RYR3: variants seen among roughly 807,000 people sequenced by gnomAD.
RYR3 encodes the protein brain ryanodine receptor-calcium release channel.
Under a neutral mutation model 584.3 loss-of-function variants are expected in RYR3, and 207 were observed. That is an observed-to-expected ratio of 0.35 (90% CI 0.32 to 0.40). RYR3 has a LOEUF of 0.40. Ranked by LOEUF, RYR3 falls within the 10% of genes least tolerant of loss-of-function variation. RYR3 has a pLI of 1.00. For missense variants in RYR3, 5,616 were observed against 6,089.2 expected, an observed-to-expected ratio of 0.92 and a Z score of 2.59; for synonymous variants, 2,416 against 2,248.5, an observed-to-expected ratio of 1.07 and a Z score of -2.11.
intron 49 of RYR3, among the ~76,000 whole-genome samples, chr15:33,737,504 C>T (rs774086632): frequency 1.3e-5 from 2 of 152,114 alleles, no homozygotes; most frequent in African/African-American, 4.8e-5. Flanking sequence ...ATAGTCCAAG[C>T]GAGCATTTCA....
chr15:33,583,395 G>A (rs933235095), intron 14 of RYR3, among the ~76,000 whole-genome samples: 1 of 152,146 alleles, frequency 6.6e-6, no homozygotes, highest in African/African-American at 2.4e-5. Flanking sequence ...ATTGCAAGAA[G>A]TTGAGTTCTT....
chr15:33,461,614 G>A (rs1049253056), intron 1 of RYR3, among the ~76,000 whole-genome samples: 2 of 152,132 alleles, frequency 1.3e-5, no homozygotes, highest in African/African-American at 2.4e-5. Context: ...AAGCCTAAAC[G>A]TTCTGGTGAG....
In RYR3 at chr15:33,652,759, T is replaced by C. The variant is rs371565732; in HGVS notation, c.4184T>C (p.Ile1395Thr). 9.9e-6 allele frequency: 16 copies of C among 1,613,812 alleles called. No homozygotes were observed. The highest frequency in any genetic ancestry group is 1.4e-5 in the Non-Finnish European group (16 of 1,179,792). Reference protein sequence around the residue: ...SNCYMVWGGDIVASSQRSNRS... With the variant: ...SNCYMVWGGDTVASSQRSNRS... ...TGCTACATGGTCTGGGGTGGAGACA[T>C]TGTAGCCAGTTCCCAGAGATCAAAT... The change falls in exon 32 of 104, where the codon ATT becomes ACT. Residue 1395 changes from isoleucine (I) to threonine (T), a missense_variant. This residue lies in a region of RYR3 where 753 missense variants were observed against 741.0 expected (regional missense o/e 1.02). Transcript: ENST00000634891.
At chr15:33,679,937 A>C (rs1341045758) in intron 38 of RYR3, among the ~76,000 whole-genome samples, 1 of 152,202 alleles carries the variant, frequency 6.6e-6, no homozygotes, top group African/African-American at 2.4e-5. Context: ...GCATTAATAA[A>C]GATAACTGTT....
chr15:33,680,815 A>G (rs1465386303), intron 38 of RYR3, among the ~76,000 whole-genome samples: 1 of 152,246 alleles, frequency 6.6e-6, no homozygotes, highest in Non-Finnish European at 1.5e-5. Flanking sequence ...TGTGGTCAGT[A>G]ATATTCATTA....
Position 33,675,671 on chromosome 15 carries a change from T to C in RYR3, c.5860+5115T>C, listed in dbSNP as rs560175706. The stretch of plus-strand genomic sequence containing the variant: ...GCATATACATACTTACCTCATTGGG[T>C]TGATATAAGCATTACATTAGTTAAT... On this transcript the variant is annotated intron_variant, in intron 38 of 103. Transcript: ENST00000634891. 3.9e-5 allele frequency among the ~76,000 whole-genome samples: 6 copies of C among 152,320 alleles called. No individual in the cohort carries two copies. The East Asian group carries it at 9.6e-4, about 24-fold the overall frequency.
Position 33,603,288 on chromosome 15 carries a change from T to A in RYR3, c.2088T>A (p.Gly696=), listed in dbSNP as rs898854076. 3.7e-6 allele frequency: 6 copies of A among 1,613,446 alleles called. No homozygotes were observed. The highest frequency in any genetic ancestry group is 1.7e-5 in the Admixed American group (1 of 59,956). Residue 696 remains glycine (G), a synonymous_variant, in exon 18 of 104, where the codon GGT becomes GGA. Transcript: ENST00000634891. ...CAGGCTATGCCCCATACCCAGGAGGTGGAGAAGGATGGGGAGGCAATGGTG... is the reference window on the plus strand; with the variant it reads ...CAGGCTATGCCCCATACCCAGGAGGAGGAGAAGGATGGGGAGGCAATGGTG... ...SSSGYAPYPG[G]GEGWGGNGVG...
chr15:33,471,333 G>A (rs1250927811), intron 1 of RYR3, among the ~76,000 whole-genome samples: 1 of 152,190 alleles, frequency 6.6e-6, no homozygotes, highest in Non-Finnish European at 1.5e-5. Context: ...GAACACATGT[G>A]TGCAGGGCTG....
intron 21 of RYR3, among the ~76,000 whole-genome samples, chr15:33,629,702 T>C (rs2061174068): frequency 6.6e-6 from 1 of 152,184 alleles, no homozygotes; most frequent in African/African-American, 2.4e-5. Context: ...GAAAGTATGT[T>C]CAAAATGCAG....
At chr15:33,383,573 G>A (rs1230943457) in intron 1 of RYR3, among the ~76,000 whole-genome samples, 1 of 151,850 alleles carries the variant, frequency 6.6e-6, no homozygotes, top group African/African-American at 2.4e-5. Flanking sequence ...TTTTAATTGG[G>A]TGTACATTTG....
chr15:33,785,069 C>T (rs1459370200), intron 65 of RYR3, among the ~76,000 whole-genome samples: 4 of 152,208 alleles, frequency 2.6e-5, no homozygotes, highest in Non-Finnish European at 5.9e-5. Context: ...CACCTCAGGT[C>T]ATCCATCATT....
chr15:33,563,713 G>T (rs1029299323), intron 11 of RYR3, among the ~76,000 whole-genome samples: 98 of 152,312 alleles, frequency 6.4e-4, no homozygotes, highest in African/African-American at 2.3e-3. Flanking sequence ...ACTGTGCTCT[G>T]TAGTTGAGGT....
intron 20 of RYR3, among the ~76,000 whole-genome samples, chr15:33,627,754 G>T (rs111306735): frequency 3.1e-4 from 47 of 152,288 alleles, no homozygotes; most frequent in African/African-American, 1.1e-3. Context: ...TTGTCCCACT[G>T]GTTGCAGTGT....
At chr15:33,738,816 C>T (rs1037489609) in intron 50 of RYR3, among the ~76,000 whole-genome samples, 59 of 152,196 alleles carry the variant, frequency 3.9e-4, no homozygotes, top group African/African-American at 1.4e-3. Context: ...TTTTCACATT[C>T]ACAAAGCTGT....
At chr15:33,632,891 C>T (rs1332264631) in intron 23 of RYR3, 58 bp from the exon 24 acceptor site, 45 of 1,490,274 alleles carry the variant, frequency 3.0e-5, no homozygotes, top group Non-Finnish European at 3.1e-5. Flanking sequence ...GTCTAAAATC[C>T]GGAATGAGAA....
At chr15:33,638,563 C>T (rs1462382601) in intron 27 of RYR3, among the ~76,000 whole-genome samples, 8 of 152,190 alleles carry the variant, frequency 5.3e-5, no homozygotes, top group African/African-American at 1.9e-4. Flanking sequence ...GTATGGTCTG[C>T]TTGTTAGCAA....
chr15:33,414,686 G>A (rs1596033563), intron 1 of RYR3, among the ~76,000 whole-genome samples: 1 of 152,116 alleles, frequency 6.6e-6, no homozygotes, highest in South Asian at 2.1e-4. Context: ...CTCACTGCAA[G>A]CTCCGCCTCC....
At chr15:33,488,938 A>T (rs2050732105) in intron 2 of RYR3, among the ~76,000 whole-genome samples, 1 of 152,204 alleles carries the variant, frequency 6.6e-6, no homozygotes, top group South Asian at 2.1e-4. Flanking sequence ...ACCAGGAGGT[A>T]AAACCTAAGT....
In RYR3 at chr15:33,628,500, C is replaced by A. The variant is rs763830930; in HGVS notation, c.2604C>A (p.Ile868=). The stretch of plus-strand genomic sequence containing the variant: ...TTTTGCCACCTCACCTAGAAAAGAT[C>A]CGAGACAGACTAGCTGAAAACATCC... ...QVILPPHLEK[I]RDRLAENIHE... is the part of the protein sequence containing the mutation. Residue 868 remains isoleucine (I), a synonymous_variant, in exon 21 of 104, where the codon ATC becomes ATA. Coordinates refer to ENST00000634891, the MANE Select transcript of RYR3 (RefSeq NM_001036.6). 3.1e-6 allele frequency: 5 copies of A among 1,613,458 alleles called. No individual in the cohort carries two copies. The highest frequency in any genetic ancestry group is 4.2e-6 in the Non-Finnish European group (5 of 1,179,452).
Sources: gnomAD v4.1 joint callset for allele counts (sites outside exome capture counted in the v4.1 genomes callset) on GRCh38, gnomAD v4.1.1 for gene constraint, gnomAD v4.1.1 regional missense constraint, MANE v1.5 for transcripts, NCBI Gene and HGNC (gene_info 2026-07-23, HGNC 2026-07-21) for gene names.